TRIM33: variants seen among roughly 807,000 people sequenced by gnomAD.
TRIM33 encodes tripartite motif containing 33, also known as E3 ubiquitin-protein ligase TRIM33.
In TRIM33, 20 loss-of-function variants were observed where a neutral mutation model predicts 125.4. The ratio of observed to expected loss-of-function variants is 0.16; its 90% CI spans 0.11 to 0.23. TRIM33 has a LOEUF of 0.23. Ranked by LOEUF, TRIM33 falls within the 10% of genes least tolerant of loss-of-function variation. The pLI, the probability that TRIM33 is intolerant of heterozygous loss-of-function variation, is 1.00. For synonymous variants in TRIM33, 564 were observed against 513.9 expected (o/e 1.10, Z -1.32); for missense variants, 920 against 1,411.4 (o/e 0.65, Z 5.58).
rs1157498693 is a variant in TRIM33 at position 114,433,658 on chromosome 1, C to T, written c.999G>A (p.Lys333=). Residue 333 remains lysine (K), a synonymous_variant, in exon 5 of 20, where the codon AAG becomes AAA. Transcript: ENST00000358465. ...IENLLAKLLE[K]KNYVHFAATQ... The stretch of plus-strand genomic sequence containing the variant: ...TAGCTGCAAAATGAACATAATTCTT[C>T]TTCTCAAGAAGTTTCGCCAGTAGAT... The T allele has an allele frequency of 3.1e-6, 5 of 1,612,352 alleles. No individual in the cohort carries two copies. Among genetic ancestry groups the T allele is most frequent in the Non-Finnish European group, 2.5e-6 (3 of 1,179,238 alleles).
chr1:114,508,409 A>C (rs552115503), intron 1 of TRIM33, among the ~76,000 whole-genome samples: 1 of 152,248 alleles, frequency 6.6e-6, no homozygotes, highest in East Asian at 1.9e-4. Flanking sequence ...CCAGGTTCCC[A>C]CAAGAACACT....
chr1:114,433,180 C>A (rs754566736), intron 5 of TRIM33, among the ~76,000 whole-genome samples: 18 of 152,108 alleles, frequency 1.2e-4, no homozygotes, highest in African/African-American at 4.3e-4. Flanking sequence ...TTACTATGTA[C>A]CAGAAACTAT....
At chr1:114,468,156 A>C (rs1650419182) in intron 1 of TRIM33, among the ~76,000 whole-genome samples, 1 of 152,200 alleles carries the variant, frequency 6.6e-6, no homozygotes, top group South Asian at 2.1e-4. Flanking sequence ...CCATGCACCT[A>C]TCTCTTATTC....
At chr1:114,429,424 C>CTTG (rs1026496831) in intron 6 of TRIM33, among the ~76,000 whole-genome samples, 3 of 151,814 alleles carry the variant, frequency 2.0e-5, no homozygotes, top group African/African-American at 7.3e-5. Context: ...AACTCCTGAC[C>CTTG]TTGTGATCCA....
chr1:114,403,117 C>T (rs1387800435), intron 15 of TRIM33, among the ~76,000 whole-genome samples: 3 of 152,118 alleles, frequency 2.0e-5, no homozygotes, highest in Admixed American at 6.5e-5. Context: ...ATGGCACCTC[C>T]GCATTAAAAG....
Position 114,470,891 on chromosome 1 carries a change from C to T in TRIM33, c.527-6503G>A, listed in dbSNP as rs181374638. Among the ~76,000 whole-genome samples the T allele has an allele frequency of 9.9e-4, 151 of 152,326 alleles. 1 individual carries two copies. The highest frequency in any genetic ancestry group is 3.6e-3 in the African/African-American group (148 of 41,574). On this transcript the variant is annotated intron_variant, in intron 1 of 19. Coordinates refer to ENST00000358465, the MANE Select transcript of TRIM33 (RefSeq NM_015906.4). ...ACACTGCTCGCTGAAGCTTCGACTT[C>T]CTGGGCTCAAGTGATTCCTACCTCA...
At chr1:114,464,613 TATA>T (rs1265330878) in intron 1 of TRIM33, among the ~76,000 whole-genome samples, 1 of 152,140 alleles carries the variant, frequency 6.6e-6, no homozygotes, top group East Asian at 1.9e-4. Context: ...GCTTCCTCAT[TATA>T]ATATGTGGTT....
intron 11 of TRIM33, among the ~76,000 whole-genome samples, chr1:114,419,144 T>C (rs1572030776): frequency 7.4e-6 from 1 of 134,274 alleles, no homozygotes; most frequent in African/African-American, 2.9e-5. Flanking sequence ...GAGGCTGCAG[T>C]GAGTCGAGAT....
intron 1 of TRIM33, among the ~76,000 whole-genome samples, chr1:114,465,230 T>C (rs898035209): frequency 1.3e-5 from 2 of 152,194 alleles, no homozygotes; most frequent in Non-Finnish European, 2.9e-5. Flanking sequence ...GGATAAACTG[T>C]TGAGGTAACA....
At chr1:114,401,892 C>G (rs757768261) in intron 16 of TRIM33, among the ~76,000 whole-genome samples, 4 of 152,150 alleles carry the variant, frequency 2.6e-5, no homozygotes, top group Non-Finnish European at 5.9e-5. Flanking sequence ...ATGAAAATGG[C>G]CTTCTCAGTC....
chr1:114,424,011 T>C (rs187400364), intron 10 of TRIM33, among the ~76,000 whole-genome samples: 35 of 152,126 alleles, frequency 2.3e-4, no homozygotes, highest in Admixed American at 1.4e-3. Context: ...AGAAATCCTA[T>C]GAAAAAGTGG....
chr1:114,425,572 A>G lies in TRIM33; in HGVS notation c.1572T>C (p.Tyr524=), dbSNP rs1243143276. The G allele has an allele frequency of 1.9e-6, 3 of 1,614,040 alleles. No individual in the cohort carries two copies. In the East Asian group the frequency reaches 6.7e-5, roughly 36 times the overall value. ...LRLQHMQQQV[Y]AQKHQQLQQM... is the part of the protein sequence containing the mutation. ...GTTGCAACTGCTGATGTTTCTGTGCATATACTTGTTGTTGCATGTGCTGGA... is the reference window on the plus strand; with the variant it reads ...GTTGCAACTGCTGATGTTTCTGTGCGTATACTTGTTGTTGCATGTGCTGGA... The change falls in exon 9 of 20, where the codon TAT becomes TAC. Residue 524 remains tyrosine, a synonymous_variant. Transcript: ENST00000358465.
rs1450892448 is a variant in TRIM33 at position 114,510,894 on chromosome 1, CCCGGCCGCGCCGCCCTCAGCG to C, written c.162_182del (p.Ala55_Gly61del). On this transcript the variant is annotated inframe_deletion, in exon 1 of 20. Coordinates refer to ENST00000358465, the MANE Select transcript of TRIM33 (RefSeq NM_015906.4). ...CCGCGGCCACCCCCCCGTCGTCGGG[CCCGGCCGCGCCGCCCTCAGCG>C]CCGGCCCTGCCGCCTTCCTCCTCCT... The C allele has an allele frequency of 1.5e-5, 21 of 1,429,538 alleles. No individual in the cohort carries two copies. The Admixed American group carries it at 2.6e-4, about 18-fold the overall frequency. The allele number at this position is 1,429,538 out of a possible 1,614,324, so 88.6% of individuals were successfully genotyped here. A position where few individuals can be genotyped will look rare whatever the true frequency, so the allele number is the denominator to read the frequency against.
At chr1:114,409,289 C>A (rs1448887748) in intron 12 of TRIM33, among the ~76,000 whole-genome samples, 1 of 152,080 alleles carries the variant, frequency 6.6e-6, no homozygotes, top group Non-Finnish European at 1.5e-5. Context: ...ATCATGTATT[C>A]AAGAGTCCCA....
chr1:114,508,178 G>C (rs1462387545), intron 1 of TRIM33, among the ~76,000 whole-genome samples: 2 of 152,044 alleles, frequency 1.3e-5, no homozygotes. Context: ...TTAGATATTG[G>C]TTAGAGAGAA....
rs1249651967 is a variant in TRIM33, at chr1:114,464,321, A to G, written c.594T>C (p.Phe198=). The G allele has an allele frequency of 1.9e-6, 3 of 1,612,374 alleles. No individual in the cohort carries two copies. The highest frequency in any genetic ancestry group is 4.5e-5 in the East Asian group (2 of 44,746). The part of the protein sequence containing the change: ...CRQIDLVDNY[F]VKDTSEAPSS... ...TAGGAGCTTCAGATGTGTCTTTCAC[A>G]AAATAATTATCCACAAGGTCTATCT... Residue 198 remains phenylalanine (F), a synonymous_variant, in exon 2 of 20, where the codon TTT becomes TTC. Transcript: ENST00000358465.
At chr1:114,502,743 G>C (rs1312889507) in intron 1 of TRIM33, among the ~76,000 whole-genome samples, 1 of 152,126 alleles carries the variant, frequency 6.6e-6, no homozygotes, top group East Asian at 1.9e-4. Flanking sequence ...CTGGGCTCAA[G>C]TGATCCTCCC....
At chr1:114,441,204 G>C (rs995279111) in intron 4 of TRIM33, among the ~76,000 whole-genome samples, 1 of 152,216 alleles carries the variant, frequency 6.6e-6, no homozygotes, top group Non-Finnish European at 1.5e-5. Flanking sequence ...AGCTACTTGA[G>C]AGGATCACCT....
intron 4 of TRIM33, among the ~76,000 whole-genome samples, chr1:114,462,153 T>G (rs1297659012): frequency 1.3e-5 from 2 of 152,180 alleles, no homozygotes; most frequent in Non-Finnish European, 2.9e-5. Context: ...GTCATAATAC[T>G]AGTACCTAAA....
Sources: allele counts gnomAD v4.1 joint callset (sites outside exome capture counted in the v4.1 genomes callset), GRCh38; gene constraint gnomAD v4.1.1; transcripts MANE v1.5; gene names NCBI Gene and HGNC (gene_info 2026-07-23, HGNC 2026-07-21).